PVT1: variants seen among roughly 807,000 people sequenced by gnomAD.
PVT1 encodes the protein CXCR4/PVT1 fusion.
intron 4 of PVT1, among the ~76,000 whole-genome samples, chr8:127,995,958 C>A (rs143494977): frequency 2.0e-4 from 30 of 152,132 alleles, no homozygotes; most frequent in Admixed American, 7.8e-4. Context: ...AATGAGAGGA[C>A]CATTTGCTAA....
chr8:127,816,706 T>A (rs1449915068), intron 2 of PVT1, among the ~76,000 whole-genome samples: 1 of 152,098 alleles, frequency 6.6e-6, no homozygotes, highest in Non-Finnish European at 1.5e-5. Flanking sequence ...GTATTTTTAG[T>A]AGAGATGAGG....
intron 4 of PVT1, among the ~76,000 whole-genome samples, chr8:128,034,652 TCA>T (rs1813440672): frequency 6.6e-6 from 1 of 152,184 alleles, no homozygotes; most frequent in African/African-American, 2.4e-5. Context: ...CACCCTTAGT[TCA>T]GAAGGGAGCT....
At chr8:127,962,635 T>C (rs1420966835) in intron 3 of PVT1, among the ~76,000 whole-genome samples, 1 of 151,974 alleles carries the variant, frequency 6.6e-6, no homozygotes, top group African/African-American at 2.4e-5. Flanking sequence ...GACGATTTGT[T>C]GACGAGGCTG....
intron 2 of PVT1, among the ~76,000 whole-genome samples, chr8:127,889,030 CTCTTTCTTTCTT>C (rs1563631091): frequency 3.3e-5 from 3 of 90,312 alleles, no homozygotes; most frequent in African/African-American, 1.3e-4. Flanking sequence ...TTTCCTTTCT[CTCTTTCTTTCTT>C]CCTTCCTTCC....
chr8:128,071,687 A>AAAAT (rs57815252), intron 5 of PVT1, among the ~76,000 whole-genome samples: 9,210 of 139,810 alleles, frequency 0.066, 382 homozygotes, highest in African/African-American at 0.1. Context: ...CTCTGTCTCT[A>AAAAT]AAATAAATAA....
chr8:127,849,530 C>T (rs1815079748), intron 2 of PVT1, among the ~76,000 whole-genome samples: 1 of 152,224 alleles, frequency 6.6e-6, no homozygotes, highest in South Asian at 2.1e-4. Context: ...CTATCATTCA[C>T]ACTCCTAGTT....
chr8:127,910,916 A>T (rs560569741), intron 3 of PVT1, among the ~76,000 whole-genome samples: 4,163 of 141,980 alleles, frequency 0.029, 184 homozygotes, highest in African/African-American at 0.12. Flanking sequence ...TGTGTGTGAG[A>T]GAGAGAGAGA....
intron 3 of PVT1, among the ~76,000 whole-genome samples, chr8:127,934,713 C>T (rs1011439504): frequency 1.3e-4 from 19 of 151,782 alleles, no homozygotes; most frequent in Admixed American, 7.9e-4. Flanking sequence ...GACTTTGTTC[C>T]TTGGGGTAAG....
intron 3 of PVT1, among the ~76,000 whole-genome samples, chr8:127,896,023 C>T (rs1471269444): frequency 3.9e-5 from 6 of 152,122 alleles, no homozygotes; most frequent in Non-Finnish European, 7.3e-5. Flanking sequence ...AGAAACTCCT[C>T]CTGGATCATA....
At chr8:128,025,663 T>C (rs1365338327) in intron 4 of PVT1, among the ~76,000 whole-genome samples, 1 of 152,202 alleles carries the variant, frequency 6.6e-6, no homozygotes, top group East Asian at 1.9e-4. Context: ...TGGAACCATG[T>C]GACAGACTAT....
intron 4 of PVT1, among the ~76,000 whole-genome samples, chr8:128,015,844 T>C (rs1175848253): frequency 1.3e-5 from 2 of 151,482 alleles, no homozygotes; most frequent in Non-Finnish European, 2.9e-5. Flanking sequence ...TTCTGTGATC[T>C]AGAGACCCAG....
intron 3 of PVT1, among the ~76,000 whole-genome samples, chr8:127,971,098 C>T (rs936084188): frequency 1.1e-4 from 17 of 152,338 alleles, no homozygotes; most frequent in Non-Finnish European, 1.5e-4. Flanking sequence ...TCTGTCTAAC[C>T]CTTAAAGAAA....
chr8:127,836,131 A>C (rs1012442667), intron 2 of PVT1, among the ~76,000 whole-genome samples: 5 of 152,098 alleles, frequency 3.3e-5, no homozygotes, highest in African/African-American at 1.2e-4. Flanking sequence ...ATGCTGCTGA[A>C]TTTCACTGTG....
chr8:127,828,899 T>C (rs536059043), intron 2 of PVT1, among the ~76,000 whole-genome samples: 1 of 152,266 alleles, frequency 6.6e-6, no homozygotes, highest in East Asian at 1.9e-4. Context: ...TTGGATCTTT[T>C]GCTGAGAATG....
intron 2 of PVT1, among the ~76,000 whole-genome samples, chr8:127,860,783 A>C (rs1208252544): frequency 7.6e-6 from 1 of 132,418 alleles, no homozygotes; most frequent in Non-Finnish European, 1.8e-5. Flanking sequence ...AAAAAAAAAA[A>C]AGGAGAAGAC....
chr8:128,076,212 C>G (rs776087151), intron 5 of PVT1, among the ~76,000 whole-genome samples: 1 of 152,188 alleles, frequency 6.6e-6, no homozygotes, highest in African/African-American at 2.4e-5. Flanking sequence ...CGTTACTTCT[C>G]TTATCTGCAC....
chr8:127,833,804 A>G (rs1239755137), intron 2 of PVT1, among the ~76,000 whole-genome samples: 1 of 152,206 alleles, frequency 6.6e-6, no homozygotes, highest in African/African-American at 2.4e-5. Context: ...ATATGAAGCC[A>G]TTCCTGGGGG....
chr8:127,854,112 C>T (rs535843021), intron 2 of PVT1, among the ~76,000 whole-genome samples: 2 of 152,120 alleles, frequency 1.3e-5, no homozygotes, highest in South Asian at 2.1e-4. Context: ...CCTTGCCCTC[C>T]GTAGGCAGGC....
chr8:127,947,794 C>A, intron 3 of PVT1: 1 of 456,494 alleles, frequency 2.2e-6, no homozygotes, highest in Non-Finnish European at 4.4e-6. Context: ...GAAATAGTTA[C>A]AAATACTATG....
Sources: gnomAD v4.1 joint callset for allele counts (sites outside exome capture counted in the v4.1 genomes callset) on GRCh38, gnomAD v4.1.1 for gene constraint, MANE v1.5 for transcripts, NCBI Gene and HGNC (gene_info 2026-07-23, HGNC 2026-07-21) for gene names.